The following MAP3K1 variants were observed in gnomAD, a reference collection of about 807,000 sequenced individuals.
MAP3K1 encodes the protein mitogen-activated protein kinase kinase kinase 1, also known as MAP/ERK kinase kinase 1.
Under a neutral mutation model 144.2 loss-of-function variants are expected in MAP3K1, and 36 were observed. The ratio of observed to expected loss-of-function variants is 0.25; its 90% CI spans 0.19 to 0.33. The LOEUF is 0.33. MAP3K1 is among the 10% of genes least tolerant of loss of function. MAP3K1 has a pLI of 1.00. For synonymous variants in MAP3K1, 718 were observed against 688.7 expected, an observed-to-expected ratio of 1.04 and a Z score of -0.67; for missense variants, 1,650 against 1,881.9, an observed-to-expected ratio of 0.88 and a Z score of 2.28.
At position 56,894,981 on chromosome 5, in the gene MAP3K1, T is replaced by C. The variant is rs991943768; in HGVS notation, c.*1301T>C. On this transcript the variant is annotated 3_prime_UTR_variant, in exon 20 of 20. Coordinates refer to ENST00000399503, the MANE Select transcript of MAP3K1 (RefSeq NM_005921.2). ...GGAAAATGGTAGCTTTTTAATCTTT[T>C]TGTGTGTGTGTGAGTCTTTTAAATC... 4.3e-6 allele frequency: 1 copy of C among 231,958 alleles called. No homozygotes were observed. The highest frequency in any genetic ancestry group is 2.2e-5 in the African/African-American group (1 of 45,414). The allele number at this position is 231,958 out of a possible 1,614,324, so 14.4% of individuals were successfully genotyped here.
intron 1 of MAP3K1, among the ~76,000 whole-genome samples, chr5:56,841,212 A>C (rs1746804352): frequency 6.6e-6 from 1 of 151,970 alleles, no homozygotes; most frequent in African/African-American, 2.4e-5. Context: ...TAAAAAAAAA[A>C]AAAACTAGAC....
Position 56,882,223 on chromosome 5 carries a change from G to A in MAP3K1, c.3023G>A (p.Gly1008Glu), listed in dbSNP as rs1026320605. Reference protein sequence around the residue: ...ATDVSKHRLQGFIPCRIPSAS... With the variant: ...ATDVSKHRLQEFIPCRIPSAS... ...GATGTCTCTAAGCATAGACTTCAGG[G>A]ATTCATTCCCTGCAGAATACCTTCT... The change falls in exon 14 of 20, where the codon GGA becomes GAA. Residue 1008 changes from glycine to glutamate, a missense_variant. Gly to Glu is a moderately conservative substitution (Grantham distance 98, BLOSUM62 -2). Coordinates refer to ENST00000399503, the MANE Select transcript of MAP3K1 (RefSeq NM_005921.2). 6.2e-7 allele frequency: 1 copy of A among 1,614,076 alleles called. No individual in the cohort carries two copies. The highest frequency in any genetic ancestry group is 1.7e-5 in the Admixed American group (1 of 59,996).
At chr5:56,874,943 C>A in intron 9 of MAP3K1, 89 bp from the exon 10 acceptor site, 1 of 1,315,050 alleles carries the variant, frequency 7.6e-7, no homozygotes, top group Non-Finnish European at 1.1e-6. Context: ...CCAGTTTTTA[C>A]GTAGTAATCA....
At chr5:56,819,768 A>G (rs970715961) in intron 1 of MAP3K1, among the ~76,000 whole-genome samples, 3 of 152,314 alleles carry the variant, frequency 2.0e-5, no homozygotes, top group East Asian at 1.9e-4. Flanking sequence ...CTTTGCTTCT[A>G]TCAAATATAT....
At chr5:56,828,749 G>A (rs993903296) in intron 1 of MAP3K1, among the ~76,000 whole-genome samples, 1 of 152,060 alleles carries the variant, frequency 6.6e-6, no homozygotes, top group African/African-American at 2.4e-5. Context: ...GCTATTAAAA[G>A]CTATCTTTTT....
chr5:56,873,080 G>C (rs1301791485), intron 9 of MAP3K1, 75 bp downstream of exon 9: 1 of 1,381,094 alleles, frequency 7.2e-7, no homozygotes, highest in East Asian at 2.5e-5. Flanking sequence ...CCTTCCCTCA[G>C]TTGTTCATAA....
At position 56,817,683 on chromosome 5, in the gene MAP3K1, T is replaced by G. The variant is rs543077746; in HGVS notation, c.482+1628T>G. The stretch of plus-strand genomic sequence containing the variant: ...ACTGGAATAATTCTTTGAAGGCAAC[T>G]TCTACTTTAAATGAATTCCAGATAA... On this transcript the variant is annotated intron_variant, in intron 1 of 19. Coordinates refer to ENST00000399503, the MANE Select transcript of MAP3K1 (RefSeq NM_005921.2). 1.2e-3 allele frequency among the ~76,000 whole-genome samples: 180 copies of G among 152,352 alleles called. 4 individuals carry two copies. The South Asian group carries it at 0.03, about 25-fold the overall frequency.
chr5:56,893,473 G>C, intron 19 of MAP3K1, 58 bp from the exon 20 acceptor site: 1 of 1,570,802 alleles, frequency 6.4e-7, no homozygotes, highest in Non-Finnish European at 8.8e-7. Flanking sequence ...ATGCACATGT[G>C]TTTCTGTATC....
chr5:56,888,475 G>A, intron 19 of MAP3K1, 118 bp downstream of exon 19: 1 of 882,816 alleles, frequency 1.1e-6, no homozygotes, highest in Non-Finnish European at 1.8e-6. Context: ...TAAATAGTCT[G>A]TATATTTATT....
chr5:56,853,128 G>T (rs1483140006), intron 1 of MAP3K1, among the ~76,000 whole-genome samples: 3 of 152,144 alleles, frequency 2.0e-5, no homozygotes, highest in African/African-American at 2.4e-5. Context: ...CCCAGTGGTT[G>T]TAAGTTGTAC....
In MAP3K1 at chr5:56,880,672, C is replaced by G. The variant is rs1465858594; in HGVS notation, c.2088-39C>G. 2.2e-6 allele frequency: 3 copies of G among 1,394,160 alleles called. No individual in the cohort carries two copies. In the Admixed American group the frequency reaches 5.0e-5, roughly 23 times the overall value. 86.4% of individuals were successfully genotyped at this position (1,394,160 alleles called of 1,614,324 possible). A position where few individuals can be genotyped will look rare whatever the true frequency, so the allele number is the denominator to read the frequency against. ...CTCTAATATTGTATAGTGTTTTAGC[C>G]AAGATCCAGGATTGATGTTGCTTTT... On this transcript the variant is annotated intron_variant, in intron 11 of 19. Coordinates refer to ENST00000399503, the MANE Select transcript of MAP3K1 (RefSeq NM_005921.2).
At chr5:56,873,236 A>T (rs1425833526) in intron 9 of MAP3K1, among the ~76,000 whole-genome samples, 3 of 152,210 alleles carry the variant, frequency 2.0e-5, no homozygotes, top group African/African-American at 7.2e-5. Context: ...ATCTAGAAAC[A>T]TCTCTTCCTG....
At chr5:56,875,812 T>C (rs1266944618) in intron 10 of MAP3K1, among the ~76,000 whole-genome samples, 1 of 152,214 alleles carries the variant, frequency 6.6e-6, no homozygotes, top group Non-Finnish European at 1.5e-5. Flanking sequence ...TCTGAGCAGA[T>C]ACCTTATACA....
At chr5:56,844,625 G>A (rs1040967749) in intron 1 of MAP3K1, among the ~76,000 whole-genome samples, 1 of 152,040 alleles carries the variant, frequency 6.6e-6, no homozygotes, top group Admixed American at 6.6e-5. Flanking sequence ...TAAAATTAAG[G>A]ATGGAGATCA....
intron 1 of MAP3K1, among the ~76,000 whole-genome samples, chr5:56,824,608 T>C (rs536959066): frequency 2.0e-5 from 3 of 152,360 alleles, no homozygotes; most frequent in South Asian, 2.1e-4. Context: ...TTTAAAAATA[T>C]ACTCAGTGAA....
chr5:56,843,742 T>C (rs1197532932), intron 1 of MAP3K1, among the ~76,000 whole-genome samples: 1 of 152,196 alleles, frequency 6.6e-6, no homozygotes, highest in Non-Finnish European at 1.5e-5. Context: ...GCTGGCTGTC[T>C]AAATAATCTT....
rs1216185284 is a variant in MAP3K1 at position 56,850,751 on chromosome 5, C to A, written c.483-5849C>A. 3.3e-5 allele frequency among the ~76,000 whole-genome samples: 5 copies of A among 152,300 alleles called. No homozygotes were observed. In the Middle Eastern group the frequency reaches 0.01, roughly 311 times the overall value. ...CGATGGAAAAGACCTCACAGGGTTG[C>A]TGGAAGGGTGCAGTAAATTCATACA... On this transcript the variant is annotated intron_variant, in intron 1 of 19. Transcript: ENST00000399503.
intron 1 of MAP3K1, among the ~76,000 whole-genome samples, chr5:56,854,429 T>C: frequency 2.7e-5 from 1 of 36,680 alleles, no homozygotes; most frequent in African/African-American, 1.2e-4. Flanking sequence ...CTAAACTCCA[T>C]CTCAAAAAAA....
At chr5:56,840,704 G>A (rs932847160) in intron 1 of MAP3K1, among the ~76,000 whole-genome samples, 2 of 152,096 alleles carry the variant, frequency 1.3e-5, no homozygotes, top group African/African-American at 4.8e-5. Flanking sequence ...TGGCTACAGA[G>A]AGCTCTGGCC....
Sources: gnomAD v4.1 joint callset for allele counts (sites outside exome capture counted in the v4.1 genomes callset) on GRCh38, gnomAD v4.1.1 for gene constraint, MANE v1.5 for transcripts, NCBI Gene and HGNC (gene_info 2026-07-23, HGNC 2026-07-21) for gene names.